Variants in NBPF26 observed in about 807,000 individuals in gnomAD.
NBPF26 encodes the protein NBPF family member NBPF26.
NBPF26 carries 79 observed loss-of-function variants against 119.6 expected under a neutral mutation model. The ratio of observed to expected loss-of-function variants is 0.66; its 90% CI spans 0.55 to 0.80. The LOEUF (loss-of-function observed/expected upper bound fraction) is 0.80, where lower values mean the gene tolerates loss of function less well. NBPF26 is among the 30% of genes least tolerant of loss of function. NBPF26 has a pLI of 0.00. For missense variants in NBPF26, 800 were observed against 1,198.2 expected, an observed-to-expected ratio of 0.67 and a Z score of 4.91; for synonymous variants, 299 against 457.7, an observed-to-expected ratio of 0.65 and a Z score of 4.43.
rs1175562965 is a variant in NBPF26, at chr1:120,775,766, C to T, written c.156-9208C>T. On this transcript the variant is annotated intron_variant, in intron 2 of 29. Coordinates refer to ENST00000620612, the Ensembl canonical transcript of NBPF26. ...ATGTAGTCAGTCTTTTATCAACAAC[C>T]GATGAAAGACTAATAAAAGTGCAAG... Among the ~76,000 whole-genome samples the T allele has an allele frequency of 1.0e-4, 8 of 76,228 alleles. 1 individual carries two copies. The South Asian group carries it at 1.1e-3, about 10-fold the overall frequency. The allele number at this position is 76,228 out of a possible 152,430, so 50.0% of individuals were successfully genotyped here. A position where few individuals can be genotyped will look rare whatever the true frequency, so the allele number is the denominator to read the frequency against.
At chr1:120,842,033 A>G (rs1473702700), downstream of NBPF26, among the ~76,000 whole-genome samples, 1 of 95,700 alleles carries the variant, frequency 1.0e-5, no homozygotes, top group African/African-American at 7.0e-5. Flanking sequence ...TGCAAAAAGA[A>G]GAAAACATTC....
intron 2 of NBPF26, among the ~76,000 whole-genome samples, chr1:120,764,267 T>A (rs1302485214): frequency 9.3e-6 from 1 of 107,364 alleles, no homozygotes; most frequent in African/African-American, 5.8e-5. Context: ...AAAAAAAATA[T>A]ATAAAAAAAT....
At chr1:120,840,487 A>G in exon 30 of NBPF26, 1 of 1,479,828 alleles carries the variant, frequency 6.8e-7, no homozygotes, top group Non-Finnish European at 9.1e-7. Context: ...TACTCATTTG[A>G]GGAAGAGCAT....
chr1:120,758,967 C>T (rs1207637526), intron 1 of NBPF26, among the ~76,000 whole-genome samples: 2 of 107,894 alleles, frequency 1.9e-5, no homozygotes, highest in Non-Finnish European at 3.4e-5. Flanking sequence ...GTTTTGTTTC[C>T]AATGGAACTT....
chr1:120,734,135 C>CT (rs1454009565), intron 1 of NBPF26, among the ~76,000 whole-genome samples: 1 of 3,472 alleles, frequency 2.9e-4, no homozygotes, highest in Non-Finnish European at 5.3e-4. Context: ...GAGTAGATTG[C>CT]TTTTTTTCCA....
chr1:120,839,609 G>T, intron 28 of NBPF26, 23 bp from the exon 35 acceptor site: 19 of 76,928 alleles, frequency 2.5e-4, no homozygotes, highest in Non-Finnish European at 2.7e-4. Context: ...TAATGTGTCT[G>T]TCCATGTCTG....
rs1451479181 is a variant in NBPF26 at position 120,793,651 on chromosome 1, G to A, written c.751+155G>A. 6.4e-5 allele frequency: 39 copies of A among 609,668 alleles called. 3 individuals are homozygous for A. The highest frequency in any genetic ancestry group is 1.1e-4 in the Non-Finnish European group (37 of 344,566). 37.8% of individuals were successfully genotyped at this position (609,668 alleles called of 1,614,324 possible). A position where few individuals can be genotyped will look rare whatever the true frequency, so the allele number is the denominator to read the frequency against. On this transcript the variant is annotated intron_variant, in intron 4 of 29. Coordinates refer to ENST00000620612, the Ensembl canonical transcript of NBPF26. ...TGCTAGTGAGGGAGGAGTTTTATGGGCCCACTGTGGTCCATAAACTGAGCA... is the reference window on the plus strand; with the variant it reads ...TGCTAGTGAGGGAGGAGTTTTATGGACCCACTGTGGTCCATAAACTGAGCA...
chr1:120,838,490 TTC>T (rs1385960679), intron 27 of NBPF26, among the ~76,000 whole-genome samples: 6 of 55,506 alleles, frequency 1.1e-4, no homozygotes, highest in African/African-American at 1.6e-4. Context: ...ACTGAGCTCG[TTC>T]TCTCTCTCTC....
rs1484180493 is a variant in NBPF26 at position 120,768,496 on chromosome 1, A to G, written c.155+4787A>G. On this transcript the variant is annotated intron_variant, in intron 2 of 29. Coordinates refer to ENST00000620612, the Ensembl canonical transcript of NBPF26. ...CCAGGAATTTTTCTCCTCATATTCTAGCTGCTGTGACAGCTCCAGATACCT... is the reference window on the plus strand; with the variant it reads ...CCAGGAATTTTTCTCCTCATATTCTGGCTGCTGTGACAGCTCCAGATACCT... Among the ~76,000 whole-genome samples, 26 of 106,632 alleles carry G rather than the reference A, an allele frequency of 2.4e-4. 4 individuals carry two copies. The highest frequency in any genetic ancestry group is 1.9e-3 in the East Asian group (8 of 4,312). The allele number at this position is 106,632 out of a possible 152,430, so 70.0% of individuals were successfully genotyped here. A position where few individuals can be genotyped will look rare whatever the true frequency, so the allele number is the denominator to read the frequency against.
intron 2 of NBPF26, among the ~76,000 whole-genome samples, chr1:120,778,266 C>T (rs1247479659): frequency 3.8e-5 from 2 of 52,016 alleles, no homozygotes; most frequent in Non-Finnish European, 6.4e-5. Context: ...CAGCTCCCCC[C>T]TCTAGAGCTC....
intron 3 of NBPF26, among the ~76,000 whole-genome samples, chr1:120,790,534 C>CT (rs1651475697): frequency 1.1e-5 from 1 of 87,626 alleles, no homozygotes; most frequent in Non-Finnish European, 2.1e-5. Context: ...CTTTCTCCCT[C>CT]CCTTTCTTTC....
Position 120,802,520 on chromosome 1 carries a change from G to T in NBPF26, c.752-3036G>T, listed in dbSNP as rs1242457417. 1.0e-4 allele frequency among the ~76,000 whole-genome samples: 13 copies of T among 124,748 alleles called. 4 individuals are homozygous for T. The highest frequency in any genetic ancestry group is 2.1e-4 in the Non-Finnish European group (13 of 61,680). 81.8% of individuals were successfully genotyped at this position (124,748 alleles called of 152,430 possible). A position where few individuals can be genotyped will look rare whatever the true frequency, so the allele number is the denominator to read the frequency against. ...TGAGCCCTTCGGGACACATGCCTGA[G>T]GTAGTGACAGTCCAACTTTGGAAGA... On this transcript the variant is annotated intron_variant, in intron 4 of 29. Transcript: ENST00000620612.
rs1651871780 is a variant in NBPF26, at chr1:120,811,742, A to T, written c.1565-144A>T. 1.1e-5 allele frequency: 6 copies of T among 562,294 alleles called. 2 individuals carry two copies. The highest frequency in any genetic ancestry group is 1.3e-5 in the Non-Finnish European group (4 of 319,384). 34.8% of individuals were successfully genotyped at this position (562,294 alleles called of 1,614,324 possible). A position where few individuals can be genotyped will look rare whatever the true frequency, so the allele number is the denominator to read the frequency against. On this transcript the variant is annotated intron_variant, in intron 9 of 29. Transcript: ENST00000620612. ...AAGACAAGTTGACTTAAAGGAGATC[A>T]AGACTGGAGATGACAAGAGTGAAAC...
intron 17 of NBPF26, among the ~76,000 whole-genome samples, chr1:120,823,752 C>CTTTGTGTGTGTGTG (rs1553272346): frequency 1.1e-4 from 8 of 73,340 alleles, no homozygotes; most frequent in Non-Finnish European, 1.7e-4. Flanking sequence ...TGAGCTCGCT[C>CTTTGTGTGTGTGTG]TGTGTGTGTG....
chr1:120,755,605 G>A (rs1651071163), intron 1 of NBPF26, among the ~76,000 whole-genome samples: 1 of 90,906 alleles, frequency 1.1e-5, no homozygotes, highest in Non-Finnish European at 2.0e-5. Context: ...TTATAAAATA[G>A]AACAAAATTG....
intron 4 of NBPF26, among the ~76,000 whole-genome samples, chr1:120,804,937 T>A (rs1323376156): frequency 5.0e-5 from 6 of 120,194 alleles, no homozygotes; most frequent in Non-Finnish European, 9.8e-5. Context: ...AAGTTTGATA[T>A]CTTACACCTG....
At position 120,817,964 on chromosome 1, in the gene NBPF26, T is replaced by G. The variant is rs1190135168; in HGVS notation, c.2372-159T>G. On this transcript the variant is annotated intron_variant, in intron 14 of 29. Coordinates refer to ENST00000620612, the Ensembl canonical transcript of NBPF26. ...TCTGGAAAGCAGGGTCATCTAATTC[T>G]CACCAAAGTTAATCTAGGACAACCT... is the stretch of plus-strand genomic sequence containing the variant. Among the ~76,000 whole-genome samples the G allele has an allele frequency of 3.5e-4, 41 of 116,668 alleles. 16 individuals carry two copies. Among genetic ancestry groups the G allele is most frequent in the African/African-American group, 2.1e-3 (41 of 19,824 alleles). The allele number at this position is 116,668 out of a possible 152,430, so 76.5% of individuals were successfully genotyped here. A position where few individuals can be genotyped will look rare whatever the true frequency, so the allele number is the denominator to read the frequency against.
chr1:120,789,954 C>T, intron 3 of NBPF26, among the ~76,000 whole-genome samples: 1 of 79,582 alleles, frequency 1.3e-5, no homozygotes, highest in Admixed American at 1.2e-4. Context: ...ATTAAAACTT[C>T]TTCCTTGTTG....
chr1:120,754,617 AT>A lies in NBPF26; in HGVS notation c.74-9004del, dbSNP rs1247367182. Among the ~76,000 whole-genome samples the A allele has an allele frequency of 3.1e-5, 3 of 97,178 alleles. 1 individual carries two copies. The highest frequency in any genetic ancestry group is 5.9e-4 in the South Asian group (2 of 3,374). The allele number at this position is 97,178 out of a possible 152,430, so 63.8% of individuals were successfully genotyped here. On this transcript the variant is annotated intron_variant, in intron 1 of 29. Transcript: ENST00000620612. ...CAATGAATTTTCCCATTCAGTTGGA[AT>A]TTTTTTATTACTCTGTTTTCTATGT...
Sources: allele counts gnomAD v4.1 joint callset (sites outside exome capture counted in the v4.1 genomes callset), GRCh38; gene constraint gnomAD v4.1.1; transcripts MANE v1.5; gene names NCBI Gene and HGNC (gene_info 2026-07-23, HGNC 2026-07-21).